CBFA2T3: variants seen among roughly 807,000 people sequenced by gnomAD.
The protein encoded by CBFA2T3 is transcriptional corepressor CBFA2T3.
CBFA2T3 carries 31 observed loss-of-function variants against 58.6 expected under a neutral mutation model. The observed-to-expected ratio is 0.53, with a 90% CI of 0.40 to 0.71. The LOEUF is 0.71. Ranked by LOEUF, CBFA2T3 falls within the 30% of genes least tolerant of loss-of-function variation. CBFA2T3 has a pLI of 0.00. For missense variants in CBFA2T3, 1,076 were observed against 963.1 expected (o/e 1.12, Z -1.55); for synonymous variants, 531 against 421.9 (o/e 1.26, Z -3.17).
chr16:88,880,350 A>G (rs1969017637), intron 10 of CBFA2T3, among the ~76,000 whole-genome samples: 2 of 151,808 alleles, frequency 1.3e-5, no homozygotes, highest in South Asian at 2.1e-4. Flanking sequence ...AGCCTTGCCC[A>G]GCGCTCAGCT....
chr16:88,976,596 G>A (rs1474411641), intron 1 of CBFA2T3, 61 bp downstream of exon 1: 10 of 1,319,920 alleles, frequency 7.6e-6, no homozygotes, highest in African/African-American at 7.3e-5. Flanking sequence ...AGGAGTCACA[G>A]CCCCGGCACC....
intron 2 of CBFA2T3, among the ~76,000 whole-genome samples, chr16:88,900,087 C>T (rs548321276): frequency 9.2e-5 from 14 of 152,372 alleles, no homozygotes; most frequent in African/African-American, 3.4e-4. Flanking sequence ...CCAGGACCTG[C>T]ACGCTGGGCC....
chr16:88,970,051 C>T lies in CBFA2T3; in HGVS notation c.151+6606G>A, dbSNP rs561835670. 4.2e-4 allele frequency among the ~76,000 whole-genome samples: 64 copies of T among 152,234 alleles called. No individual in the cohort carries two copies. In the South Asian group the frequency reaches 6.8e-3, roughly 16 times the overall value. On this transcript the variant is annotated intron_variant, in intron 1 of 11. Transcript: ENST00000268679. ...GGAGTCCTCGTCTCCACAAAGGGGGCGCCTGGAAAAGCTGATGGAAATTCA... is the reference window on the plus strand; with the variant it reads ...GGAGTCCTCGTCTCCACAAAGGGGGTGCCTGGAAAAGCTGATGGAAATTCA...
chr16:88,961,393 C>G (rs1229778054), intron 1 of CBFA2T3, among the ~76,000 whole-genome samples: 2 of 151,912 alleles, frequency 1.3e-5, no homozygotes, highest in Admixed American at 6.5e-5. Context: ...AACTGACCCT[C>G]AGCGCTGGAC....
intron 1 of CBFA2T3, among the ~76,000 whole-genome samples, chr16:88,903,645 G>T (rs116469323): frequency 0.045 from 6,374 of 142,310 alleles, 235 homozygotes; most frequent in African/African-American, 0.088. Flanking sequence ...TCCTGTGGTG[G>T]GGGTGTTCCC....
intron 1 of CBFA2T3, chr16:88,940,995 C>G: frequency 5.2e-6 from 5 of 967,880 alleles, no homozygotes; most frequent in Non-Finnish European, 6.1e-6. Context: ...GCGGCGGCGG[C>G]GCGCGGGGCG....
At chr16:88,970,934 G>T (rs149560582) in intron 1 of CBFA2T3, among the ~76,000 whole-genome samples, 1 of 152,142 alleles carries the variant, frequency 6.6e-6, no homozygotes, top group Admixed American at 6.5e-5. Context: ...GAAGGAGGTC[G>T]GTCGGGAGGG....
Position 88,879,218 on chromosome 16 carries a change from C to T in CBFA2T3, c.1662+52G>A, listed in dbSNP as rs563912085. The T allele has an allele frequency of 5.7e-4, 853 of 1,488,068 alleles. 6 individuals are homozygous for T. In the East Asian group the frequency reaches 0.017, roughly 30 times the overall value. The allele number at this position is 1,488,068 out of a possible 1,614,324, so 92.2% of individuals were successfully genotyped here. ...AATCCTCATGGGGGTGGCGTGGGAC[C>T]GCACGGGAGCCGAGGCAGGGGATGG... On this transcript the variant is annotated intron_variant, in intron 11 of 11. Transcript: ENST00000268679.
At chr16:88,883,388 C>T (rs956148846) in intron 7 of CBFA2T3, 9 of 155,456 alleles carry the variant, frequency 5.8e-5, no homozygotes, top group East Asian at 3.8e-4. Flanking sequence ...CTGTGAACAC[C>T]GCCAGCCAAG....
At position 88,910,269 on chromosome 16, in the gene CBFA2T3, C is replaced by T. The variant is rs576105496; in HGVS notation, c.152-8613G>A. ...GCAGGCTGCCTCCTTCCCGGTGATGCTGCAGCCCGCGCGGCCCTTCACCCT... is the reference window on the plus strand; with the variant it reads ...GCAGGCTGCCTCCTTCCCGGTGATGTTGCAGCCCGCGCGGCCCTTCACCCT... On this transcript the variant is annotated intron_variant, in intron 1 of 11. Coordinates refer to ENST00000268679, the MANE Select transcript of CBFA2T3 (RefSeq NM_005187.6). 4.1e-3 allele frequency among the ~76,000 whole-genome samples: 617 copies of T among 152,344 alleles called. 5 individuals carry two copies. The highest frequency in any genetic ancestry group is 7.7e-3 in the Admixed American group (118 of 15,290).
At position 88,901,499 on chromosome 16, in the gene CBFA2T3, C is replaced by G; in HGVS notation, c.304+5G>C. On this transcript the variant is annotated splice_donor_5th_base_variant and intron_variant, in intron 2 of 11. Coordinates refer to ENST00000268679, the MANE Select transcript of CBFA2T3 (RefSeq NM_005187.6). ...GCCCTCGGCTGCCAGGTGGGGGCTA[C>G]TTACGTGTGTGTGGCGTGAAGGAGG... The G allele has an allele frequency of 6.8e-7, 1 of 1,462,266 alleles. No individual in the cohort carries two copies. The allele number at this position is 1,462,266 out of a possible 1,614,324, so 90.6% of individuals were successfully genotyped here. A position where few individuals can be genotyped will look rare whatever the true frequency, so the allele number is the denominator to read the frequency against.
intron 1 of CBFA2T3, chr16:88,951,298 C>T (rs1479547469): frequency 6.6e-6 from 3 of 456,710 alleles, no homozygotes; most frequent in African/African-American, 6.0e-5. Flanking sequence ...GGCACCAGCA[C>T]AGAGGGTCGA....
At chr16:88,909,434 CA>C (rs1400359116) in intron 1 of CBFA2T3, among the ~76,000 whole-genome samples, 11 of 139,964 alleles carry the variant, frequency 7.9e-5, no homozygotes, top group Non-Finnish European at 1.7e-4. Context: ...AAATCCCAGG[CA>C]ACCCCAGCGG....
At chr16:88,894,860 C>T (rs1269976393) in intron 3 of CBFA2T3, among the ~76,000 whole-genome samples, 4 of 152,262 alleles carry the variant, frequency 2.6e-5, no homozygotes, top group Non-Finnish European at 5.9e-5. Context: ...AAAACCCTTT[C>T]TACAGGATGG....
chr16:88,945,113 A>G (rs1038310990), intron 1 of CBFA2T3, among the ~76,000 whole-genome samples: 3 of 152,264 alleles, frequency 2.0e-5, no homozygotes, highest in South Asian at 4.1e-4. Context: ...CTGATACACT[A>G]TAGGTATAGA....
chr16:88,934,905 A>G (rs1971446976), intron 1 of CBFA2T3, among the ~76,000 whole-genome samples: 1 of 151,990 alleles, frequency 6.6e-6, no homozygotes, highest in South Asian at 2.1e-4. Flanking sequence ...ACGCCCGGCT[A>G]ATTTTTTGTA....
chr16:88,942,580 C>G (rs1248327026), intron 1 of CBFA2T3, among the ~76,000 whole-genome samples: 1 of 152,178 alleles, frequency 6.6e-6, no homozygotes, highest in South Asian at 2.1e-4. Context: ...GGACGGAAAC[C>G]CAGAACGGGG....
intron 1 of CBFA2T3, among the ~76,000 whole-genome samples, chr16:88,975,134 G>A (rs11865568): frequency 1.4e-5 from 1 of 73,820 alleles, no homozygotes; most frequent in South Asian, 3.8e-4. Flanking sequence ...CTCTGCTCCT[G>A]ACCTGCAGCC....
intron 1 of CBFA2T3, among the ~76,000 whole-genome samples, chr16:88,929,252 G>A (rs921821964): frequency 6.7e-6 from 1 of 149,514 alleles, no homozygotes; most frequent in Admixed American, 6.6e-5. Context: ...AACCCAGGGC[G>A]CCCCTGAACC....
Sources: gnomAD v4.1 joint callset for allele counts (sites outside exome capture counted in the v4.1 genomes callset) on GRCh38, gnomAD v4.1.1 for gene constraint, MANE v1.5 for transcripts, NCBI Gene and HGNC (gene_info 2026-07-23, HGNC 2026-07-21) for gene names.